Variants in CLSTN2 observed in about 807,000 individuals in gnomAD.
CLSTN2 encodes calsyntenin 2.
Under a neutral mutation model 101.2 loss-of-function variants are expected in CLSTN2, and 48 were observed. That is an observed-to-expected ratio of 0.47 (90% CI 0.38 to 0.60). CLSTN2 has a LOEUF of 0.60. Among genes scored for constraint, CLSTN2 ranks in the 20% least tolerant of loss-of-function variants. The pLI, the probability that CLSTN2 is intolerant of heterozygous loss-of-function variation, is 0.00. For missense variants in CLSTN2, 1,160 were observed against 1,238.2 expected, an observed-to-expected ratio of 0.94 and a Z score of 0.95; for synonymous variants, 481 against 463.6, an observed-to-expected ratio of 1.04 and a Z score of -0.48.
intron 1 of CLSTN2, among the ~76,000 whole-genome samples, chr3:140,109,695 G>A (rs2009121039): frequency 6.6e-6 from 1 of 152,136 alleles, no homozygotes; most frequent in Admixed American, 6.5e-5. Flanking sequence ...AGTTCCCAGG[G>A]TTGGTAGAGA....
intron 1 of CLSTN2, among the ~76,000 whole-genome samples, chr3:140,023,620 G>T (rs577918372): frequency 1.3e-5 from 2 of 152,242 alleles, no homozygotes; most frequent in South Asian, 4.2e-4. Flanking sequence ...CAAGGGGGGA[G>T]CTGCTCTGTG....
chr3:139,963,240 A>G (rs1383412129), intron 1 of CLSTN2, among the ~76,000 whole-genome samples: 1 of 152,108 alleles, frequency 6.6e-6, no homozygotes, highest in African/African-American at 2.4e-5. Context: ...CTTTTGCTCT[A>G]CATACCTCCA....
intron 4 of CLSTN2, among the ~76,000 whole-genome samples, chr3:140,409,095 C>T (rs1378327307): frequency 6.6e-6 from 1 of 152,242 alleles, no homozygotes; most frequent in East Asian, 1.9e-4. Flanking sequence ...TATTGGTGGC[C>T]CCCACCACCA....
intron 1 of CLSTN2, among the ~76,000 whole-genome samples, chr3:140,135,667 C>T (rs975427084): frequency 6.6e-6 from 1 of 152,112 alleles, no homozygotes; most frequent in Non-Finnish European, 1.5e-5. Context: ...CACAATAACA[C>T]GAGGAACAAT....
At chr3:140,392,255 A>G (rs1020865137) in intron 2 of CLSTN2, among the ~76,000 whole-genome samples, 2 of 151,318 alleles carry the variant, frequency 1.3e-5, no homozygotes, top group Non-Finnish European at 2.9e-5. Context: ...TCAGTAATAT[A>G]TGTTGTTTAA....
At chr3:140,056,960 T>C (rs1281581668) in intron 1 of CLSTN2, among the ~76,000 whole-genome samples, 1 of 152,178 alleles carries the variant, frequency 6.6e-6, no homozygotes, top group Admixed American at 6.5e-5. Context: ...GACTTGTGAA[T>C]CTCCCTTGCT....
intron 1 of CLSTN2, among the ~76,000 whole-genome samples, chr3:140,116,122 A>G (rs1026667034): frequency 9.2e-5 from 14 of 152,262 alleles, no homozygotes; most frequent in African/African-American, 3.4e-4. Flanking sequence ...GGGAATATCA[A>G]GTGTTTCCCA....
intron 1 of CLSTN2, among the ~76,000 whole-genome samples, chr3:140,019,699 G>T (rs1339819567): frequency 6.6e-6 from 1 of 152,176 alleles, no homozygotes; most frequent in Admixed American, 6.5e-5. Context: ...GGGTCAGATT[G>T]TGAGTAGGGA....
At chr3:139,953,611 A>T (rs571937827) in intron 1 of CLSTN2, among the ~76,000 whole-genome samples, 1 of 152,268 alleles carries the variant, frequency 6.6e-6, no homozygotes, top group Non-Finnish European at 1.5e-5. Flanking sequence ...TGTCCTTACC[A>T]ATGACTCACA....
At chr3:140,472,440 A>G (rs952040671) in intron 8 of CLSTN2, among the ~76,000 whole-genome samples, 3 of 152,242 alleles carry the variant, frequency 2.0e-5, no homozygotes, top group Admixed American at 2.0e-4. Flanking sequence ...TAGTTCAATC[A>G]TTATTATAAC....
At chr3:140,096,703 A>T (rs1032470830) in intron 1 of CLSTN2, among the ~76,000 whole-genome samples, 8 of 152,230 alleles carry the variant, frequency 5.3e-5, no homozygotes, top group African/African-American at 1.9e-4. Context: ...GATGTGGCCC[A>T]TATGGGAAGC....
chr3:139,940,192 G>T (rs1038557975), intron 1 of CLSTN2, among the ~76,000 whole-genome samples: 1 of 152,148 alleles, frequency 6.6e-6, no homozygotes, highest in South Asian at 2.1e-4. Flanking sequence ...GCAGTGATTT[G>T]CTTGGTGAAC....
At chr3:139,982,094 G>A (rs1365970838) in intron 1 of CLSTN2, among the ~76,000 whole-genome samples, 2 of 152,158 alleles carry the variant, frequency 1.3e-5, no homozygotes, top group Admixed American at 6.6e-5. Flanking sequence ...CTACTCAGGA[G>A]AAGCCAAATT....
chr3:140,340,397 T>TA (rs896080495), intron 2 of CLSTN2, among the ~76,000 whole-genome samples: 19 of 152,306 alleles, frequency 1.2e-4, no homozygotes, highest in Non-Finnish European at 2.2e-4. Flanking sequence ...TTATCTGGGT[T>TA]AAAAAATACA....
At chr3:140,022,662 A>G (rs1309476077) in intron 1 of CLSTN2, among the ~76,000 whole-genome samples, 3 of 152,178 alleles carry the variant, frequency 2.0e-5, no homozygotes, top group Non-Finnish European at 2.9e-5. Flanking sequence ...AATTTCACCC[A>G]TGGTGCTGCT....
chr3:140,376,190 T>C (rs898960535), intron 2 of CLSTN2, among the ~76,000 whole-genome samples: 2 of 152,206 alleles, frequency 1.3e-5, no homozygotes, highest in Non-Finnish European at 2.9e-5. Context: ...ACTATCTAAC[T>C]GTCTCTGTCA....
intron 1 of CLSTN2, among the ~76,000 whole-genome samples, chr3:140,133,651 A>G (rs2107805238): frequency 6.6e-6 from 1 of 152,322 alleles, no homozygotes; most frequent in South Asian, 2.1e-4. Context: ...CCTCGTTGCC[A>G]GATTTAAGAG....
intron 8 of CLSTN2, among the ~76,000 whole-genome samples, chr3:140,511,526 T>A (rs1415241452): frequency 6.7e-6 from 1 of 150,318 alleles, no homozygotes; most frequent in African/African-American, 2.5e-5. Flanking sequence ...TGTGCCAGTA[T>A]CTGCTGTTTC....
At chr3:140,054,016 A>G (rs2008052019) in intron 1 of CLSTN2, among the ~76,000 whole-genome samples, 1 of 152,198 alleles carries the variant, frequency 6.6e-6, no homozygotes, top group Non-Finnish European at 1.5e-5. Flanking sequence ...TCGGGCAGCT[A>G]CCATCTGGCT....
Sources: gnomAD v4.1 joint callset for allele counts (sites outside exome capture counted in the v4.1 genomes callset) on GRCh38, gnomAD v4.1.1 for gene constraint, MANE v1.5 for transcripts, NCBI Gene and HGNC (gene_info 2026-07-23, HGNC 2026-07-21) for gene names.